Variants in CCND3 observed in about 807,000 individuals in gnomAD.
CCND3 encodes cyclin D3, also known as G1/S-specific cyclin-D3.
A neutral mutation model predicts 28.7 loss-of-function variants in CCND3; 9 were observed. That is an observed-to-expected ratio of 0.31 (90% confidence interval 0.19 to 0.55). The LOEUF (loss-of-function observed/expected upper bound fraction) is 0.55. CCND3 is among the 20% of genes least tolerant of loss of function. The pLI, the probability that CCND3 is intolerant of heterozygous loss-of-function variation, is 0.93. For synonymous variants in CCND3, 164 were observed against 163.9 expected, an observed-to-expected ratio of 1.00 and a Z score of 0.00; for missense variants, 315 against 385.8, an observed-to-expected ratio of 0.82 and a Z score of 1.54.
At chr6:42,042,510 G>A (rs374575531) in intron 1 of CCND3, among the ~76,000 whole-genome samples, 1 of 152,116 alleles carries the variant, frequency 6.6e-6, no homozygotes, top group Non-Finnish European at 1.5e-5. Flanking sequence ...ACAGGCATGC[G>A]CCACCACACC....
intron 2 of CCND3, chr6:41,937,803 A>C: frequency 5.2e-6 from 1 of 190,968 alleles, no homozygotes; most frequent in South Asian, 8.9e-5. Context: ...AAGCAGAAAG[A>C]CTCTCTCAAC....
At chr6:41,970,345 AAAATAAAATAAAAT>A (rs1265808491) in intron 1 of CCND3, among the ~76,000 whole-genome samples, 5 of 152,046 alleles carry the variant, frequency 3.3e-5, no homozygotes, top group African/African-American at 4.8e-5. Flanking sequence ...CTCAAAAATA[AAAATAAAATAAAAT>A]AAATAAAATA....
intron 1 of CCND3, among the ~76,000 whole-genome samples, chr6:42,034,426 G>T (rs1490669669): frequency 2.7e-5 from 4 of 146,126 alleles, no homozygotes; most frequent in Non-Finnish European, 6.0e-5. Flanking sequence ...GGGATTATGG[G>T]ATTACAGGCG....
At chr6:41,976,984 A>G (rs2127410345) in intron 1 of CCND3, among the ~76,000 whole-genome samples, 1 of 152,284 alleles carries the variant, frequency 6.6e-6, no homozygotes, top group South Asian at 2.1e-4. Flanking sequence ...AGAACCGTAC[A>G]ACAGTTGTAG....
At chr6:41,975,436 G>C (rs1170958113) in intron 1 of CCND3, among the ~76,000 whole-genome samples, 1 of 152,134 alleles carries the variant, frequency 6.6e-6, no homozygotes, top group Non-Finnish European at 1.5e-5. Flanking sequence ...AATACATCCA[G>C]AGTGGCCCTA....
chr6:41,965,802 G>A (rs960746128), intron 1 of CCND3, among the ~76,000 whole-genome samples: 4 of 152,170 alleles, frequency 2.6e-5, no homozygotes, highest in African/African-American at 7.2e-5. Context: ...AATCGATGCC[G>A]TAGGGTTAAG....
chr6:41,964,499 A>AGT lies in CCND3; in HGVS notation c.-45-23916_-45-23915dup, dbSNP rs72237414. ...GAGTGTGTGTGAATGTGTGTGTGTGAGTGTGTGTGTGTGTGAGTGTGTATG... is the reference window on the plus strand; with the variant it reads ...GAGTGTGTGTGAATGTGTGTGTGTGAGTGTGTGTGTGTGTGTGAGTGTGTATG... On this transcript the variant is annotated intron_variant, in intron 1 of 4. Transcript: ENST00000372988. Among the ~76,000 whole-genome samples, 762 of 103,316 alleles carry AGT rather than the reference A, an allele frequency of 7.4e-3. 6 individuals are homozygous for AGT. The highest frequency in any genetic ancestry group is 0.03 in the African/African-American group (621 of 20,944). The allele number at this position is 103,316 out of a possible 152,430, so 67.8% of individuals were successfully genotyped here.
At chr6:42,036,324 A>G (rs1302607457) in intron 1 of CCND3, among the ~76,000 whole-genome samples, 1 of 134,218 alleles carries the variant, frequency 7.5e-6, no homozygotes, top group Admixed American at 7.9e-5. Flanking sequence ...ATATATATAT[A>G]AAATATATAT....
upstream of CCND3, among the ~76,000 whole-genome samples, chr6:41,943,996 CATAA>C (rs776585813): frequency 1.3e-5 from 2 of 152,002 alleles, no homozygotes; most frequent in South Asian, 4.1e-4. Context: ...AAATTCTTGA[CATAA>C]ATTAATTTTT....
At position 41,936,748 on chromosome 6, in the gene CCND3, C is replaced by CCAG. The variant is rs1288762107; in HGVS notation, c.575-56_575-54dup. 8.2e-6 allele frequency: 13 copies of CCAG among 1,580,578 alleles called. No individual in the cohort carries two copies. Among genetic ancestry groups the CCAG allele is most frequent in the Non-Finnish European group, 1.1e-5 (13 of 1,157,382 alleles). On this transcript the variant is annotated intron_variant, in intron 3 of 4. Coordinates refer to ENST00000372991, the MANE Select transcript of CCND3 (RefSeq NM_001760.5). The surrounding 1 kb of genome is among the most constrained non-coding windows in gnomAD (Gnocchi z 4.4). ...GAGAAGGAAACCTGAAGGATAACGG[C>CCAG]CAGCATGGACTTCCGACTCCTTGGA...
chr6:41,969,333 T>C (rs1186092356), intron 1 of CCND3, among the ~76,000 whole-genome samples: 2 of 151,134 alleles, frequency 1.3e-5, no homozygotes, highest in African/African-American at 4.9e-5. Flanking sequence ...CCAACCAACA[T>C]GGTGCAACCC....
chr6:42,040,716 G>T (rs1359034666), intron 1 of CCND3, among the ~76,000 whole-genome samples: 1 of 151,916 alleles, frequency 6.6e-6, no homozygotes, highest in Non-Finnish European at 1.5e-5. Context: ...GCTGGGTGTG[G>T]TGGTGGGTGC....
intron 1 of CCND3, among the ~76,000 whole-genome samples, chr6:41,971,742 G>A (rs1480453931): frequency 6.6e-6 from 1 of 150,660 alleles, no homozygotes; most frequent in East Asian, 2.0e-4. Context: ...GTTTCGCCGT[G>A]TTGGCCAAGA....
Position 42,035,804 on chromosome 6 carries a change from A to G in CCND3, c.-46+12697T>C, listed in dbSNP as rs555693276. ...GCAATTCTCCTGCCTCAGCCTCCCA[A>G]GTAGCTGGGATTACAGACACCCGCC... On this transcript the variant is annotated intron_variant, in intron 1 of 4. Transcript: ENST00000372988. Among the ~76,000 whole-genome samples the G allele has an allele frequency of 3.7e-3, 555 of 149,498 alleles. 4 individuals carry two copies. Among genetic ancestry groups the G allele is most frequent in the Non-Finnish European group, 6.5e-3 (441 of 67,408 alleles).
In CCND3 at chr6:41,970,501, AGT is replaced by A. The variant is rs1246858401; in HGVS notation, c.-45-29918_-45-29917del. Among the ~76,000 whole-genome samples, 3 of 152,224 alleles carry A rather than the reference AGT, an allele frequency of 2.0e-5. No individual in the cohort carries two copies. The South Asian group carries it at 6.2e-4, about 31-fold the overall frequency. On this transcript the variant is annotated intron_variant, in intron 1 of 4. Transcript: ENST00000372988. The stretch of plus-strand genomic sequence containing the variant: ...CCTGTGGTGAGAAGACAATTGAGAC[AGT>A]GAGAGGTTCATTTGAGGTCACATAG...
chr6:41,940,236 A>C lies in CCND3; in HGVS notation c.414+134T>G, dbSNP rs1011609798. The stretch of plus-strand genomic sequence containing the variant: ...AATGCCCCATCGTTTGTTCCACCCC[A>C]ATTCCTTTCCCAAAGGTCCTGATCC... On this transcript the variant is annotated intron_variant, in intron 2 of 4. Transcript: ENST00000372991. 50 of 772,358 alleles carry C rather than the reference A, an allele frequency of 6.5e-5. 1 individual carries two copies. Among genetic ancestry groups the C allele is most frequent in the Middle Eastern group, 7.3e-4 (2 of 2,752 alleles). 47.8% of individuals were successfully genotyped at this position (772,358 alleles called of 1,614,324 possible).
chr6:41,953,939 A>G (rs1057052495), intron 1 of CCND3, among the ~76,000 whole-genome samples: 4 of 151,830 alleles, frequency 2.6e-5, no homozygotes, highest in Non-Finnish European at 5.9e-5. Context: ...TTGAAAAAAA[A>G]ATAAATCTCA....
intron 1 of CCND3, among the ~76,000 whole-genome samples, chr6:42,007,546 T>C (rs1053195511): frequency 5.3e-5 from 8 of 152,006 alleles, no homozygotes; most frequent in African/African-American, 7.2e-5. Flanking sequence ...TAGCAAAAAA[T>C]TGGAAACTAC....
intron 1 of CCND3, among the ~76,000 whole-genome samples, chr6:42,041,871 A>G (rs1359352576): frequency 2.0e-5 from 3 of 152,114 alleles, no homozygotes; most frequent in African/African-American, 7.2e-5. Context: ...CTCCATCTGG[A>G]GCCCAAATTG....
Sources: allele counts gnomAD v4.1 joint callset (sites outside exome capture counted in the v4.1 genomes callset), GRCh38; gene constraint gnomAD v4.1.1; non-coding constraint Gnocchi (gnomAD v3.1); transcripts MANE v1.5; gene names NCBI Gene and HGNC (gene_info 2026-07-23, HGNC 2026-07-21).